The following SOS2 variants were observed in gnomAD, a reference collection of about 807,000 sequenced individuals.
SOS2 encodes SOS Ras/Rho guanine nucleotide exchange factor 2, also known as son of sevenless homolog 2.
In SOS2, 65 loss-of-function variants were observed where a neutral mutation model predicts 148.2. The observed-to-expected ratio is 0.44, with a 90% confidence interval of 0.36 to 0.54. The LOEUF (loss-of-function observed/expected upper bound fraction) is 0.54, where lower values mean the gene tolerates loss of function less well. Ranked by LOEUF, SOS2 falls within the 20% of genes least tolerant of loss-of-function variation. The probability of loss-of-function intolerance (pLI) is 0.00; values close to 1 mark genes in which losing one functional copy is unlikely to be tolerated. For synonymous variants in SOS2, 539 were observed against 537.1 expected (o/e 1.00, Z -0.05); for missense variants, 1,341 against 1,590.2 (o/e 0.84, Z 2.67).
intron 12 of SOS2, among the ~76,000 whole-genome samples, chr14:50,154,526 A>T (rs1247109500): frequency 6.6e-6 from 1 of 152,236 alleles, no homozygotes; most frequent in Non-Finnish European, 1.5e-5. Context: ...GACAGGTAAG[A>T]TAAAGTTCAT....
chr14:50,162,960 G>A (rs1885058232), intron 8 of SOS2, among the ~76,000 whole-genome samples: 2 of 148,584 alleles, frequency 1.3e-5, no homozygotes, highest in Non-Finnish European at 3.0e-5. Context: ...ACGGTGAGGT[G>A]ATCATGGCTC....
chr14:50,204,287 T>C lies in SOS2; in HGVS notation c.210A>G (p.Val70=). The C allele has an allele frequency of 6.4e-7, 1 of 1,569,642 alleles. No homozygotes were observed. The highest frequency in any genetic ancestry group is 8.6e-7 in the Non-Finnish European group (1 of 1,162,060). The change falls in exon 2 of 23, where the codon GTA becomes GTG. Residue 70 remains valine, a synonymous_variant. Transcript: ENST00000216373. ...CMAQPRTVQD[V]EERVQKTFPH... The stretch of plus-strand genomic sequence containing the variant: ...GAAATGACAAAATAATTTTTACCTC[T>C]ACATCTTGAACAGTCCTTGGCTGGG...
intron 2 of SOS2, among the ~76,000 whole-genome samples, chr14:50,201,472 T>C (rs1343824247): frequency 1.4e-5 from 2 of 145,478 alleles, no homozygotes; most frequent in Non-Finnish European, 3.0e-5. Context: ...AGGCGGAGGT[T>C]GCAGCAAGCC....
intron 4 of SOS2, among the ~76,000 whole-genome samples, chr14:50,192,122 G>A (rs1039231868): frequency 2.9e-5 from 4 of 136,640 alleles, no homozygotes; most frequent in Non-Finnish European, 4.5e-5. Flanking sequence ...ACCGTACTCC[G>A]GCTTAGGTGA....
At position 50,160,898 on chromosome 14, in the gene SOS2, T is replaced by C. The variant is rs115975198; in HGVS notation, c.1196+584A>G. Reference sequence around the variant, plus strand: ...GCCACCCAGCTACTCGAGTCCCAGCTACTCCAGAGGGTTGAGGCAGGAGGA... The same window carrying C: ...GCCACCCAGCTACTCGAGTCCCAGCCACTCCAGAGGGTTGAGGCAGGAGGA... On this transcript the variant is annotated intron_variant, in intron 9 of 22. Transcript: ENST00000216373. Among the ~76,000 whole-genome samples the C allele has an allele frequency of 5.8e-3, 881 of 152,178 alleles. 11 individuals are homozygous for C. The highest frequency in any genetic ancestry group is 0.019 in the African/African-American group (789 of 41,538).
In SOS2 at chr14:50,230,776, C is replaced by G. The variant is rs74050747; in HGVS notation, c.87+421G>C. 1,489 of 379,616 alleles carry G rather than the reference C, an allele frequency of 3.9e-3. 28 individuals are homozygous for G. The highest frequency in any genetic ancestry group is 0.031 in the African/African-American group (1,411 of 45,702). 23.5% of individuals were successfully genotyped at this position (379,616 alleles called of 1,614,324 possible). A position where few individuals can be genotyped will look rare whatever the true frequency, so the allele number is the denominator to read the frequency against. Reference sequence around the variant, plus strand: ...AAACCATTGCCTCATAAGTGGATACCCTTGACAAGCAAACCGCCTAGGGGG... The same window carrying G: ...AAACCATTGCCTCATAAGTGGATACGCTTGACAAGCAAACCGCCTAGGGGG... On this transcript the variant is annotated intron_variant, in intron 1 of 22. Coordinates refer to ENST00000216373, the MANE Select transcript of SOS2 (RefSeq NM_006939.4).
chr14:50,220,171 C>T (rs375195159), intron 1 of SOS2, among the ~76,000 whole-genome samples: 3 of 150,232 alleles, frequency 2.0e-5, no homozygotes, highest in African/African-American at 2.5e-5. Context: ...GAGGCCGAAG[C>T]GGGCAGATCA....
chr14:50,193,517 CAT>C (rs759241975), intron 4 of SOS2, among the ~76,000 whole-genome samples: 17 of 152,062 alleles, frequency 1.1e-4, no homozygotes, highest in South Asian at 2.1e-4. Context: ...CATATAGCCA[CAT>C]GTTATTTTTA....
At chr14:50,199,500 A>G (rs989893939) in intron 4 of SOS2, among the ~76,000 whole-genome samples, 191 bp downstream of exon 4, 1 of 152,206 alleles carries the variant, frequency 6.6e-6, no homozygotes, top group Non-Finnish European at 1.5e-5. Flanking sequence ...TGACCAAAAA[A>G]AGAGATCCCC....
chr14:50,124,347 G>A (rs1883620589), intron 21 of SOS2, among the ~76,000 whole-genome samples: 1 of 152,158 alleles, frequency 6.6e-6, no homozygotes, highest in South Asian at 2.1e-4. Context: ...CGAGACAGTA[G>A]GATGAATCTT....
intron 13 of SOS2, among the ~76,000 whole-genome samples, chr14:50,151,394 GC>G (rs1337694105): frequency 6.6e-6 from 1 of 152,134 alleles, no homozygotes; most frequent in Non-Finnish European, 1.5e-5. Flanking sequence ...ACAAATACTT[GC>G]CAAGAATACT....
chr14:50,207,585 C>T (rs1370754132), intron 1 of SOS2, among the ~76,000 whole-genome samples: 1 of 150,962 alleles, frequency 6.6e-6, no homozygotes, highest in African/African-American at 2.4e-5. Context: ...AAAGTGTCAC[C>T]TAACTAAATT....
At chr14:50,140,144 T>G in intron 16 of SOS2, 85 bp from the exon 17 acceptor site, 1 of 709,450 alleles carries the variant, frequency 1.4e-6, no homozygotes. Flanking sequence ...TATAAAATTT[T>G]GCAAATTATC....
chr14:50,149,521 A>G (rs374437778), intron 14 of SOS2, among the ~76,000 whole-genome samples: 2 of 152,184 alleles, frequency 1.3e-5, no homozygotes, highest in South Asian at 4.1e-4. Context: ...AGGGGAAAAC[A>G]GAGAGGTTGG....
At chr14:50,156,873 C>A in intron 12 of SOS2, 126 bp downstream of exon 12, 1 of 471,330 alleles carries the variant, frequency 2.1e-6, no homozygotes, top group South Asian at 4.4e-5. Context: ...AAAAATATTC[C>A]CTATATTTGA....
intron 12 of SOS2, among the ~76,000 whole-genome samples, chr14:50,154,163 GAA>G (rs1191482021): frequency 6.6e-6 from 1 of 152,108 alleles, no homozygotes; most frequent in Non-Finnish European, 1.5e-5. Flanking sequence ...GCCATGGAAA[GAA>G]AATATTTGCA....
At chr14:50,166,143 A>G (rs1421494827) in intron 8 of SOS2, among the ~76,000 whole-genome samples, 3 of 152,222 alleles carry the variant, frequency 2.0e-5, no homozygotes, top group Non-Finnish European at 4.4e-5. Context: ...TGTACTCTGG[A>G]AAAGAGGTCA....
In SOS2 at chr14:50,134,348, T is replaced by TA. The variant is rs762193704; in HGVS notation, c.2959-110dup. The TA allele has an allele frequency of 2.4e-4, 146 of 611,038 alleles. No homozygotes were observed. In the Middle Eastern group the frequency reaches 4.2e-3, roughly 17 times the overall value. 37.9% of individuals were successfully genotyped at this position (611,038 alleles called of 1,614,324 possible). The stretch of plus-strand genomic sequence containing the variant: ...TTGCTGAAAATTACTTATTTAATGC[T>TA]AAAAAATAACACATTAAGAGCCCAC... On this transcript the variant is annotated intron_variant, in intron 18 of 22. Transcript: ENST00000216373.
intron 2 of SOS2, among the ~76,000 whole-genome samples, chr14:50,202,014 G>C (rs969284460): frequency 3.9e-5 from 6 of 152,188 alleles, no homozygotes; most frequent in African/African-American, 1.2e-4. Flanking sequence ...TGAAGTGCAA[G>C]TGCAGTGGCG....
Sources: gnomAD v4.1 joint callset for allele counts (sites outside exome capture counted in the v4.1 genomes callset) on GRCh38, gnomAD v4.1.1 for gene constraint, MANE v1.5 for transcripts, NCBI Gene and HGNC (gene_info 2026-07-23, HGNC 2026-07-21) for gene names.